Variants in PLEKHA5 observed in about 807,000 individuals in gnomAD.
The protein encoded by PLEKHA5 is pleckstrin homology domain containing A5, also known as pleckstrin homology domain-containing family A member 5.
A neutral mutation model predicts 181.9 loss-of-function variants in PLEKHA5; 55 were observed. The observed-to-expected ratio is 0.30, with a 90% CI of 0.24 to 0.38. PLEKHA5 has a LOEUF of 0.38. PLEKHA5 is among the 10% of genes least tolerant of loss of function. PLEKHA5 has a pLI of 1.00. For missense variants in PLEKHA5, 1,432 were observed against 1,549.5 expected, an observed-to-expected ratio of 0.92 and a Z score of 1.27; for synonymous variants, 535 against 529.4, an observed-to-expected ratio of 1.01 and a Z score of -0.15.
chr12:19,202,023 T>G, intron 3 of PLEKHA5: 1 of 971,554 alleles, frequency 1.0e-6, no homozygotes, highest in Non-Finnish European at 1.2e-6. Context: ...GGTTCATTAC[T>G]TTTTGTTCGT....
At chr12:19,286,472 T>A (rs1197713832) in intron 12 of PLEKHA5, among the ~76,000 whole-genome samples, 1 of 152,100 alleles carries the variant, frequency 6.6e-6, no homozygotes, top group Admixed American at 6.6e-5. Context: ...ATATTGAGGG[T>A]AGATTTTCTT....
At chr12:19,299,091 C>T (rs1420808400) in intron 15 of PLEKHA5, among the ~76,000 whole-genome samples, 26 of 152,240 alleles carry the variant, frequency 1.7e-4, no homozygotes, top group Non-Finnish European at 5.9e-5. Flanking sequence ...GCCTCTCCAT[C>T]ACTGTAAGGA....
Position 19,322,310 on chromosome 12 carries a change from G to T in PLEKHA5, c.2218G>T (p.Ala740Ser), listed in dbSNP as rs531458029. 7 of 1,609,648 alleles carry T rather than the reference G, an allele frequency of 4.3e-6. No individual in the cohort carries two copies. In the African/African-American group the frequency reaches 9.3e-5, roughly 21 times the overall value. ...KYRPEEVDID[A>S]KLSRLCEQDK... ...CAAGACATCTTCTCTTATAACCTAG[G>T]CCAAGTTAAGCCGATTATGTGAACA... is the stretch of plus-strand genomic sequence containing the variant. The change falls in exon 19 of 32, where the codon GCC (alanine) becomes TCC (serine). Residue 740 changes from alanine to serine, a missense_variant and splice_region_variant. By Grantham distance (99) the Ala-to-Ser change is moderately conservative. This residue lies in a region of PLEKHA5 where 1,143 missense variants were observed against 1,168.4 expected (regional missense o/e 0.98). Transcript: ENST00000429027.
At chr12:19,132,517 AGTT>A in intron 3 of PLEKHA5, 67 bp downstream of exon 3, 1 of 789,236 alleles carries the variant, frequency 1.3e-6, no homozygotes, top group Non-Finnish European at 2.2e-6. Context: ...TCAGCTGAAT[AGTT>A]GTATGTCCAG....
chr12:19,166,809 G>A (rs1172324734), intron 3 of PLEKHA5, among the ~76,000 whole-genome samples: 3 of 152,080 alleles, frequency 2.0e-5, no homozygotes, highest in Non-Finnish European at 4.4e-5. Flanking sequence ...CCCTAACTAC[G>A]TGAATCATCT....
chr12:19,243,316 G>T (rs1320504443), intron 3 of PLEKHA5: 3 of 152,230 alleles, frequency 2.0e-5, no homozygotes, highest in Admixed American at 6.5e-5. Context: ...CCTACTTGGA[G>T]TATGACTTCT....
intron 3 of PLEKHA5, among the ~76,000 whole-genome samples, chr12:19,248,145 C>T (rs1233072490): frequency 6.6e-6 from 1 of 152,118 alleles, no homozygotes; most frequent in Non-Finnish European, 1.5e-5. Context: ...ACTGCATGAA[C>T]TTGGGAGGTT....
At chr12:19,329,998 C>G (rs1215810958) in intron 20 of PLEKHA5, among the ~76,000 whole-genome samples, 1 of 151,852 alleles carries the variant, frequency 6.6e-6, no homozygotes, top group Non-Finnish European at 1.5e-5. Context: ...GCTGAGGCAG[C>G]AGGATGACCT....
At chr12:19,360,452 C>A (rs116198736) in intron 28 of PLEKHA5, among the ~76,000 whole-genome samples, 1 of 151,452 alleles carries the variant, frequency 6.6e-6, no homozygotes, top group African/African-American at 2.4e-5. Flanking sequence ...CTAAAAAATA[C>A]AAGAGTTAGC....
chr12:19,254,083 GTTA>G (rs2066161956), intron 4 of PLEKHA5, 60 bp downstream of exon 4: 2 of 953,840 alleles, frequency 2.1e-6, no homozygotes, highest in Non-Finnish European at 3.3e-6. Flanking sequence ...TGAAATTGCT[GTTA>G]TTTATATTTC....
At chr12:19,358,811 T>G (rs1210547520) in intron 27 of PLEKHA5, among the ~76,000 whole-genome samples, 2 of 152,228 alleles carry the variant, frequency 1.3e-5, no homozygotes, top group Admixed American at 1.3e-4. Flanking sequence ...AAATATGTAT[T>G]GCTCTGTGTC....
intron 3 of PLEKHA5, among the ~76,000 whole-genome samples, chr12:19,220,942 T>C (rs2058844019): frequency 6.6e-6 from 1 of 152,016 alleles, no homozygotes; most frequent in Non-Finnish European, 1.5e-5. Flanking sequence ...GAATTGCAAA[T>C]TAAATAACAG....
chr12:19,306,473 C>T (rs746667969), intron 15 of PLEKHA5: 5 of 659,872 alleles, frequency 7.6e-6, no homozygotes, highest in African/African-American at 5.4e-5. Flanking sequence ...TCCCACGAAC[C>T]GGTTCCTCTT....
At chr12:19,343,228 AT>A in intron 21 of PLEKHA5, 94 bp from the exon 22 acceptor site, 2 of 661,042 alleles carry the variant, frequency 3.0e-6, no homozygotes, top group Non-Finnish European at 4.9e-6. Context: ...TGCAATTTGC[AT>A]TTTTAGATGT....
intron 5 of PLEKHA5, among the ~76,000 whole-genome samples, chr12:19,255,556 A>G (rs1348162052): frequency 2.0e-5 from 3 of 151,800 alleles, no homozygotes; most frequent in Admixed American, 6.6e-5. Context: ...TAATTATAAG[A>G]TAATTATAAT....
rs145612523 is a variant in PLEKHA5, at chr12:19,136,855, C to T, written c.227+4405C>T. On this transcript the variant is annotated intron_variant, in intron 3 of 31. Transcript: ENST00000429027. Reference sequence around the variant, plus strand: ...GTATGAGGTTTTGTTTCAATATCTGCAATAGCTGGATCTAATGTATGCTAA... The same window carrying T: ...GTATGAGGTTTTGTTTCAATATCTGTAATAGCTGGATCTAATGTATGCTAA... Among the ~76,000 whole-genome samples the T allele has an allele frequency of 1.8e-3, 273 of 152,112 alleles. 1 individual carries two copies. The highest frequency in any genetic ancestry group is 6.3e-3 in the African/African-American group (263 of 41,482).
chr12:19,142,236 G>T (rs2037574503), intron 3 of PLEKHA5, among the ~76,000 whole-genome samples: 1 of 152,016 alleles, frequency 6.6e-6, no homozygotes, highest in Non-Finnish European at 1.5e-5. Flanking sequence ...GGTCATGGTG[G>T]TGTACCCCTA....
intron 15 of PLEKHA5, among the ~76,000 whole-genome samples, chr12:19,298,838 C>T (rs1441615760): frequency 6.6e-6 from 1 of 152,168 alleles, no homozygotes; most frequent in Non-Finnish European, 1.5e-5. Context: ...GCTTTGAGAG[C>T]CGTCAGCACT....
Position 19,217,577 on chromosome 12 carries a change from G to A in PLEKHA5, c.228-36363G>A, listed in dbSNP as rs143657637. ...TATGAATAAAAATACAGCCCATGAA[G>A]GAAGTTGGAAAATTAGTCCAAGTAG... On this transcript the variant is annotated intron_variant, in intron 3 of 31. Coordinates refer to ENST00000429027, the MANE Select transcript of PLEKHA5 (RefSeq NM_001256470.2). Among the ~76,000 whole-genome samples the A allele has an allele frequency of 3.1e-3, 476 of 152,326 alleles. 4 individuals are homozygous for A. Among genetic ancestry groups the A allele is most frequent in the African/African-American group, 0.011 (458 of 41,570 alleles).
Sources: gnomAD v4.1 joint callset for allele counts (sites outside exome capture counted in the v4.1 genomes callset) on GRCh38, gnomAD v4.1.1 for gene constraint, gnomAD v4.1.1 regional missense constraint, MANE v1.5 for transcripts, NCBI Gene and HGNC (gene_info 2026-07-23, HGNC 2026-07-21) for gene names.